THADA: variants seen among roughly 807,000 people sequenced by gnomAD.
THADA encodes THADA armadillo repeat containing.
In THADA, 213 loss-of-function variants were observed where a neutral mutation model predicts 219.8. That is an observed-to-expected ratio of 0.97 (90% confidence interval 0.87 to 1.09). The LOEUF (loss-of-function observed/expected upper bound fraction) is 1.09, where lower values mean the gene tolerates loss of function less well. Ranked by LOEUF, THADA falls within the 50% of genes least tolerant of loss-of-function variation. The pLI, the probability that THADA is intolerant of heterozygous loss-of-function variation, is 0.00. For synonymous variants in THADA, 1,018 were observed against 828.9 expected (o/e 1.23, Z -3.92); for missense variants, 2,956 against 2,311.3 (o/e 1.28, Z -5.72).
At chr2:43,400,824 G>A (rs1428494430) in intron 28 of THADA, among the ~76,000 whole-genome samples, 1 of 152,078 alleles carries the variant, frequency 6.6e-6, no homozygotes, top group African/African-American at 2.4e-5. Flanking sequence ...AGAATTACAG[G>A]CCTGTGAGTA....
At chr2:43,531,531 G>A (rs1320185158) in intron 21 of THADA, among the ~76,000 whole-genome samples, 3 of 152,194 alleles carry the variant, frequency 2.0e-5, no homozygotes, top group Non-Finnish European at 4.4e-5. Flanking sequence ...TGTAGTCCAT[G>A]AGCAGCTGAA....
chr2:43,560,166 G>T, intron 16 of THADA, 68 bp downstream of exon 16: 3 of 1,382,632 alleles, frequency 2.2e-6, no homozygotes, highest in Admixed American at 2.3e-5. Context: ...ATAATCCTCA[G>T]ATTGCTTTAT....
chr2:43,441,759 G>A (rs1045069439), intron 26 of THADA, among the ~76,000 whole-genome samples: 2 of 152,292 alleles, frequency 1.3e-5, no homozygotes, highest in Non-Finnish European at 2.9e-5. Context: ...ACTTTAAAAG[G>A]CCAAGATCAT....
At position 43,322,988 on chromosome 2, in the gene THADA, A is replaced by T. The variant is rs576153857; in HGVS notation, c.4344-2448T>A. 5.9e-5 allele frequency among the ~76,000 whole-genome samples: 9 copies of T among 152,176 alleles called. No individual in the cohort carries two copies. In the South Asian group the frequency reaches 1.5e-3, roughly 25 times the overall value. ...GGCGTGAGCCACCGCGCCAGGCTCT[A>T]TTCTTTTATAAGCATCTATCTGCTA... On this transcript the variant is annotated intron_variant, in intron 30 of 37. Transcript: ENST00000405975.
chr2:43,337,996 GAAT>G (rs1666659813), intron 30 of THADA, among the ~76,000 whole-genome samples: 1 of 152,018 alleles, frequency 6.6e-6, no homozygotes, highest in Non-Finnish European at 1.5e-5. Context: ...AACTTCAGAT[GAAT>G]GATGGGGTAT....
At chr2:43,370,703 C>T (rs1007358608) in intron 29 of THADA, among the ~76,000 whole-genome samples, 2 of 152,130 alleles carry the variant, frequency 1.3e-5, no homozygotes, top group African/African-American at 4.8e-5. Flanking sequence ...GGGTGTATCA[C>T]AGCTATGTTC....
Position 43,592,565 on chromosome 2 carries a change from A to T in THADA, c.-24-149T>A, listed in dbSNP as rs1331382967. On this transcript the variant is annotated intron_variant, in intron 1 of 37. Coordinates refer to ENST00000405975, the MANE Select transcript of THADA (RefSeq NM_022065.5). ...TCTCTACCCACTAGATGCCAGTGGCACCCTCCTCCCTCCCAAGTTCTGACA... is the reference window on the plus strand; with the variant it reads ...TCTCTACCCACTAGATGCCAGTGGCTCCCTCCTCCCTCCCAAGTTCTGACA... 3 of 494,528 alleles carry T rather than the reference A, an allele frequency of 6.1e-6. No individual in the cohort carries two copies. In the Admixed American group the frequency reaches 1.1e-4, roughly 19 times the overall value. 30.6% of individuals were successfully genotyped at this position (494,528 alleles called of 1,614,324 possible). A position where few individuals can be genotyped will look rare whatever the true frequency, so the allele number is the denominator to read the frequency against.
chr2:43,461,589 TTTAA>T (rs2104930546), intron 26 of THADA, among the ~76,000 whole-genome samples: 1 of 152,260 alleles, frequency 6.6e-6, no homozygotes, highest in African/African-American at 2.4e-5. Context: ...GTTCAGAAAA[TTTAA>T]TTATAGGTTT....
chr2:43,393,637 G>A (rs531482345), intron 29 of THADA, among the ~76,000 whole-genome samples: 1 of 151,590 alleles, frequency 6.6e-6, no homozygotes, highest in South Asian at 2.1e-4. Flanking sequence ...AAACCCAGAA[G>A]GCAGAGGTTG....
chr2:43,555,445 G>C (rs1697233403), intron 17 of THADA, among the ~76,000 whole-genome samples: 1 of 151,356 alleles, frequency 6.6e-6, no homozygotes, highest in Non-Finnish European at 1.5e-5. Flanking sequence ...AACATTCTTT[G>C]TATGTTTGAA....
intron 36 of THADA, among the ~76,000 whole-genome samples, chr2:43,255,705 C>T (rs541383850): frequency 1.3e-5 from 2 of 152,198 alleles, no homozygotes; most frequent in Non-Finnish European, 2.9e-5. Flanking sequence ...TTCCCACACA[C>T]CCCGGGAAGC....
intron 26 of THADA, among the ~76,000 whole-genome samples, chr2:43,441,994 A>G (rs1680897838): frequency 6.6e-6 from 1 of 152,246 alleles, no homozygotes; most frequent in Non-Finnish European, 1.5e-5. Context: ...AAACCTGGTT[A>G]AGAAGACAGG....
rs1279109031 is a variant in THADA at position 43,355,542 on chromosome 2, G to A, written c.4228-11305C>T. 2.6e-5 allele frequency among the ~76,000 whole-genome samples: 4 copies of A among 152,162 alleles called. No individual in the cohort carries two copies. The East Asian group carries it at 7.7e-4, about 29-fold the overall frequency. On this transcript the variant is annotated intron_variant, in intron 29 of 37. Coordinates refer to ENST00000405975, the MANE Select transcript of THADA (RefSeq NM_022065.5). ...TTATCCATATTTGCTTTTGTAGACT[G>A]ACCTTCTGGTGTGACAGCCAAGAAA...
At position 43,549,378 on chromosome 2, in the gene THADA, A is replaced by G; in HGVS notation, c.2948-10T>C. 2 of 1,597,852 alleles carry G rather than the reference A, an allele frequency of 1.3e-6. No individual in the cohort carries two copies. Among genetic ancestry groups the G allele is most frequent in the Non-Finnish European group, 1.7e-6 (2 of 1,172,924 alleles). ...AAGCGGCTTGCTGACTCTGAGGGAA[A>G]GAAATGAGCGTACATGAAACCCAGT... On this transcript the variant is annotated splice_polypyrimidine_tract_variant and intron_variant, in intron 19 of 37. Transcript: ENST00000405975.
At chr2:43,323,117 T>C (rs1229436957) in intron 30 of THADA, among the ~76,000 whole-genome samples, 1 of 152,092 alleles carries the variant, frequency 6.6e-6, no homozygotes, top group African/African-American at 2.4e-5. Context: ...ACATAGAGAT[T>C]TGCCTCATTT....
chr2:43,231,310 C>G lies in THADA; in HGVS notation c.5500G>C (p.Val1834Leu). Residue 1834 changes from valine (V) to leucine (L), a missense_variant, in exon 38 of 38, where the codon GTC becomes CTC. Coordinates refer to ENST00000405975, the MANE Select transcript of THADA (RefSeq NM_022065.5). ...ATCAGGGTCTCGGCCCAAAAGTTGA[C>G]TTCTGCTTTTTCAAACAGGTAGTCT... ...EEDYLFEKAE[V>L]NFWAETLIFV... The G allele has an allele frequency of 1.3e-6, 2 of 1,567,766 alleles. No individual in the cohort carries two copies. Among genetic ancestry groups the G allele is most frequent in the Non-Finnish European group, 1.7e-6 (2 of 1,161,390 alleles).
chr2:43,425,452 G>A (rs866187192), intron 28 of THADA, among the ~76,000 whole-genome samples: 20 of 139,602 alleles, frequency 1.4e-4, no homozygotes, highest in Middle Eastern at 3.6e-3. Flanking sequence ...TTGTATGTGT[G>A]TGTGTGTGTG....
chr2:43,435,678 G>A (rs1318926358), intron 26 of THADA, among the ~76,000 whole-genome samples: 1 of 151,392 alleles, frequency 6.6e-6, no homozygotes, highest in African/African-American at 2.4e-5. Context: ...AGCTACTTAG[G>A]AGGCTGATGC....
intron 31 of THADA, among the ~76,000 whole-genome samples, chr2:43,308,218 T>C (rs1372000171): frequency 1.3e-5 from 2 of 151,980 alleles, no homozygotes; most frequent in Admixed American, 6.6e-5. Context: ...AGTAGTACGT[T>C]ATACGCTGCA....
Sources: allele counts gnomAD v4.1 joint callset (sites outside exome capture counted in the v4.1 genomes callset), GRCh38; gene constraint gnomAD v4.1.1; transcripts MANE v1.5; gene names NCBI Gene and HGNC (gene_info 2026-07-23, HGNC 2026-07-21).